The following ZNF385D variants were observed in gnomAD, a reference collection of about 807,000 sequenced individuals.
The protein encoded by ZNF385D is zinc finger protein 659.
ZNF385D carries 15 observed loss-of-function variants against 35.8 expected under a neutral mutation model. The observed-to-expected ratio is 0.42, with a 90% CI of 0.28 to 0.64. The LOEUF (loss-of-function observed/expected upper bound fraction) is 0.64, where lower values mean the gene tolerates loss of function less well. Among genes scored for constraint, ZNF385D ranks in the 30% least tolerant of loss-of-function variants. The probability of loss-of-function intolerance (pLI) is 0.23; values close to 1 mark genes in which losing one functional copy is unlikely to be tolerated. For synonymous variants in ZNF385D, 212 were observed against 186.8 expected, an observed-to-expected ratio of 1.13 and a Z score of -1.10; for missense variants, 474 against 494.6, an observed-to-expected ratio of 0.96 and a Z score of 0.39.
At chr3:21,459,162 T>TTAAG (rs1423534994) in intron 4 of ZNF385D, among the ~76,000 whole-genome samples, 1 of 152,136 alleles carries the variant, frequency 6.6e-6, no homozygotes, top group Non-Finnish European at 1.5e-5. Flanking sequence ...GCTGTGCTAT[T>TTAAG]TAAGTGCTTT....
chr3:22,113,996 G>C (rs947601348), intron 3 of ZNF385D, among the ~76,000 whole-genome samples: 1 of 151,956 alleles, frequency 6.6e-6, no homozygotes, highest in Non-Finnish European at 1.5e-5. Flanking sequence ...ATTGAGAAAA[G>C]TAATATATTT....
At chr3:22,090,428 G>T (rs1213277019) in intron 3 of ZNF385D, among the ~76,000 whole-genome samples, 1 of 151,972 alleles carries the variant, frequency 6.6e-6, no homozygotes, top group African/African-American at 2.4e-5. Context: ...TGCTGCCCTT[G>T]ACCTTATGGT....
Position 21,416,627 on chromosome 3 carries a change from C to A in ZNF385D, c.*4587G>T, listed in dbSNP as rs1044616705. ...AGAGATGCTCCAGAGATAAATCTCCCCATGTAGAAAGAAAAAAAAATCAGC... is the reference window on the plus strand; with the variant it reads ...AGAGATGCTCCAGAGATAAATCTCCACATGTAGAAAGAAAAAAAAATCAGC... On this transcript the variant is annotated 3_prime_UTR_variant, in exon 8 of 8. Coordinates refer to ENST00000281523, the MANE Select transcript of ZNF385D (RefSeq NM_024697.3). 15 of 151,904 alleles carry A rather than the reference C, an allele frequency of 9.9e-5. No individual in the cohort carries two copies. Among genetic ancestry groups the A allele is most frequent in the African/African-American group, 3.6e-4 (15 of 41,342 alleles). 9.4% of individuals were successfully genotyped at this position (151,904 alleles called of 1,614,324 possible).
intron 3 of ZNF385D, among the ~76,000 whole-genome samples, chr3:21,886,988 GT>G (rs1698581428): frequency 6.6e-6 from 1 of 152,078 alleles, no homozygotes; most frequent in South Asian, 2.1e-4. Context: ...GATTTAACAT[GT>G]TCCTTTCCTT....
intron 3 of ZNF385D, among the ~76,000 whole-genome samples, chr3:22,069,929 C>T (rs956964594): frequency 6.6e-6 from 1 of 152,104 alleles, no homozygotes; most frequent in African/African-American, 2.4e-5. Context: ...TTTCAGAGTG[C>T]CAAGCTCTCA....
At chr3:22,160,395 G>A (rs1705869011) in intron 3 of ZNF385D, among the ~76,000 whole-genome samples, 1 of 152,034 alleles carries the variant, frequency 6.6e-6, no homozygotes, top group Admixed American at 6.6e-5. Flanking sequence ...CAAAAGGTGA[G>A]ACAAATTTAT....
In ZNF385D at chr3:22,244,589, G is replaced by T. The variant is rs151281319; in HGVS notation, c.107-75554C>A. Among the ~76,000 whole-genome samples the T allele has an allele frequency of 2.9e-3, 432 of 150,840 alleles. 30 individuals are homozygous for T. Among genetic ancestry groups the T allele is most frequent in the African/African-American group, 9.9e-3 (403 of 40,760 alleles). On this transcript the variant is annotated intron_variant, in intron 2 of 5. Coordinates refer to the ZNF385D transcript ENST00000494108. The stretch of plus-strand genomic sequence containing the variant: ...GATTAATATTTAATGTCCCTTTCAA[G>T]TACATCAGCTCTCAAAGTAAAATTG...
At chr3:21,863,410 GATGA>G (rs1247742511) in intron 3 of ZNF385D, among the ~76,000 whole-genome samples, 11 of 152,098 alleles carry the variant, frequency 7.2e-5, no homozygotes, top group South Asian at 6.2e-4. Context: ...TGCATGGAAA[GATGA>G]ATAATTAACA....
chr3:22,181,427 T>C (rs541097816), intron 2 of ZNF385D, among the ~76,000 whole-genome samples: 39 of 152,130 alleles, frequency 2.6e-4, no homozygotes, highest in Admixed American at 1.8e-3. Context: ...CCGGGCGCGG[T>C]GTCTCAAGCC....
chr3:21,777,638 G>C (rs987641677), intron 3 of ZNF385D: 1 of 151,902 alleles, frequency 6.6e-6, no homozygotes, highest in Non-Finnish European at 1.5e-5. Flanking sequence ...CTGCGTCTTT[G>C]GGCCTGATTT....
intron 3 of ZNF385D, among the ~76,000 whole-genome samples, chr3:22,163,283 T>C (rs979926412): frequency 7.2e-5 from 11 of 152,176 alleles, no homozygotes; most frequent in African/African-American, 2.2e-4. Context: ...TAGCAGAGCA[T>C]GAATTCAGGT....
intron 3 of ZNF385D, among the ~76,000 whole-genome samples, chr3:21,540,155 A>T (rs1182648924): frequency 6.6e-6 from 1 of 152,238 alleles, no homozygotes. Context: ...GCTTACTATG[A>T]TAATAAAAAT....
intron 2 of ZNF385D, among the ~76,000 whole-genome samples, chr3:22,215,617 A>C (rs1697826731): frequency 6.6e-6 from 1 of 152,020 alleles, no homozygotes; most frequent in African/African-American, 2.4e-5. Flanking sequence ...ATCAATGAAA[A>C]TACTTGCCCG....
chr3:21,719,860 A>G (rs115449161), intron 1 of ZNF385D, among the ~76,000 whole-genome samples: 1,986 of 152,320 alleles, frequency 0.013, 34 homozygotes, highest in African/African-American at 0.044. Flanking sequence ...CTTTTAAACT[A>G]AGAAGACAAG....
At chr3:22,063,917 C>A (rs1699810665) in intron 3 of ZNF385D, among the ~76,000 whole-genome samples, 1 of 152,220 alleles carries the variant, frequency 6.6e-6, no homozygotes. Flanking sequence ...GATTTTCCAT[C>A]TGCCCAGTCT....
chr3:22,145,288 C>A (rs926040880), intron 3 of ZNF385D, among the ~76,000 whole-genome samples: 1 of 152,176 alleles, frequency 6.6e-6, no homozygotes, highest in African/African-American at 2.4e-5. Flanking sequence ...ATTACTTTTG[C>A]ATCAACTTAA....
At chr3:21,575,571 C>G (rs1278060458) in intron 2 of ZNF385D, among the ~76,000 whole-genome samples, 1 of 152,040 alleles carries the variant, frequency 6.6e-6, no homozygotes, top group African/African-American at 2.4e-5. Context: ...CTTGAAAACT[C>G]TTTTTCCCTG....
At chr3:22,218,375 T>A (rs1023521571) in intron 2 of ZNF385D, among the ~76,000 whole-genome samples, 3 of 151,994 alleles carry the variant, frequency 2.0e-5, no homozygotes, top group Admixed American at 2.0e-4. Flanking sequence ...TACAATTGAC[T>A]TTTGAAAACT....
At chr3:22,312,779 T>C (rs9845159) in intron 2 of ZNF385D, among the ~76,000 whole-genome samples, 8,221 of 146,202 alleles carry the variant, frequency 0.056, 519 homozygotes, top group African/African-American at 0.17. Context: ...TGTGGAGAAA[T>C]AGGAACACTT....
Sources: gnomAD v4.1 joint callset for allele counts (sites outside exome capture counted in the v4.1 genomes callset) on GRCh38, gnomAD v4.1.1 for gene constraint, MANE v1.5 for transcripts, NCBI Gene and HGNC (gene_info 2026-07-23, HGNC 2026-07-21) for gene names.